Variants in ABCC5 observed in about 807,000 individuals in gnomAD.
ABCC5 encodes ATP binding cassette subfamily C member 5.
Under a neutral mutation model 160.9 loss-of-function variants are expected in ABCC5, and 61 were observed. The ratio of observed to expected loss-of-function variants is 0.38; its 90% CI spans 0.31 to 0.47. The LOEUF (loss-of-function observed/expected upper bound fraction) is 0.47. Ranked by LOEUF, ABCC5 falls within the 20% of genes least tolerant of loss-of-function variation. The pLI is 0.99. For synonymous variants in ABCC5, 666 were observed against 700.6 expected (o/e 0.95, Z 0.78); for missense variants, 1,308 against 1,813.3 (o/e 0.72, Z 5.06).
At position 183,987,956 on chromosome 3, in the gene ABCC5, G is replaced by A. The variant is rs1276840088; in HGVS notation, c.444-39C>T. On this transcript the variant is annotated intron_variant, in intron 4 of 29. Transcript: ENST00000334444. The surrounding 1 kb of genome is among the most constrained non-coding windows in gnomAD (Gnocchi z 4.2). The stretch of plus-strand genomic sequence containing the variant: ...CACGTCCTCGTTACACATCTCCTCG[G>A]GGGAAAGGCACACCTAGCTCCCCGC... 8 of 1,603,544 alleles carry A rather than the reference G, an allele frequency of 5.0e-6. No homozygotes were observed. The highest frequency in any genetic ancestry group is 1.9e-4 in the Middle Eastern group (1 of 5,284).
chr3:183,978,479 C>G (rs1718415608), intron 9 of ABCC5, 24 bp downstream of exon 9: 1 of 1,598,238 alleles, frequency 6.3e-7, no homozygotes, highest in African/African-American at 1.3e-5. Flanking sequence ...CTAAAATGTT[C>G]CCCATCCCTG....
intron 17 of ABCC5, among the ~76,000 whole-genome samples, chr3:183,957,183 T>C (rs369328131): frequency 9.8e-6 from 1 of 102,464 alleles, no homozygotes; most frequent in East Asian, 4.0e-4. Flanking sequence ...TCCGTGTGTA[T>C]ATCACATCGG....
At chr3:183,980,109 A>G (rs1718579717) in intron 8 of ABCC5, among the ~76,000 whole-genome samples, 1 of 152,190 alleles carries the variant, frequency 6.6e-6, no homozygotes, top group Non-Finnish European at 1.5e-5. Context: ...TCCTGACCTT[A>G]GGTGATCTAC....
rs774414669 is a variant in ABCC5 at position 183,989,233 on chromosome 3, T to C, written c.280A>G (p.Thr94Ala). Residue 94 changes from threonine to alanine, a missense_variant, in exon 3 of 30, where the codon ACT becomes GCT. By Grantham distance (58) the Thr-to-Ala change is moderately conservative (BLOSUM62 0). This residue lies in a region of ABCC5 where 1,142 missense variants were observed against 1,527.1 expected (regional missense o/e 0.75). Transcript: ENST00000334444. ...GLSALKPIRT[T>A]SKHQHPVDNA... ...CTCAGCACGGCATCTTACTTGGAAG[T>C]AGTCCGGATGGGCTTCAGAGCACTC... 2 of 1,608,632 alleles carry C rather than the reference T, an allele frequency of 1.2e-6. No individual in the cohort carries two copies. The highest frequency in any genetic ancestry group is 1.7e-5 in the Admixed American group (1 of 59,556).
chr3:183,965,786 A>C (rs1038206566), intron 12 of ABCC5, among the ~76,000 whole-genome samples: 63 of 152,222 alleles, frequency 4.1e-4, no homozygotes, highest in African/African-American at 1.4e-3. Flanking sequence ...AATTAGGAGA[A>C]GCACAAGCAA....
intron 11 of ABCC5, among the ~76,000 whole-genome samples, chr3:183,969,613 AC>A (rs1189250421): frequency 8.7e-5 from 13 of 149,772 alleles, no homozygotes; most frequent in African/African-American, 3.0e-4. Context: ...AATCACTTGA[AC>A]CCGGGAGGCA....
At chr3:183,993,995 GCT>G (rs1720014468) in intron 2 of ABCC5, among the ~76,000 whole-genome samples, 1 of 130,994 alleles carries the variant, frequency 7.6e-6, no homozygotes, top group African/African-American at 2.9e-5. Flanking sequence ...ACAGCATCTC[GCT>G]CTGTCACCCA....
intron 29 of ABCC5, among the ~76,000 whole-genome samples, chr3:183,924,402 G>A (rs1393029396): frequency 2.6e-5 from 4 of 152,142 alleles, no homozygotes; most frequent in Admixed American, 6.5e-5. Flanking sequence ...TCTCTAGGTT[G>A]TTGTGATGAC....
At chr3:184,006,515 A>T (rs935717665) in intron 2 of ABCC5, 4 of 152,224 alleles carry the variant, frequency 2.6e-5, no homozygotes, top group Non-Finnish European at 5.9e-5. Context: ...ACACGTCCTT[A>T]GTCTGTAAAG....
At chr3:183,942,465 A>G in intron 25 of ABCC5, 1 of 629,114 alleles carries the variant, frequency 1.6e-6, no homozygotes, top group Non-Finnish European at 2.9e-6. Flanking sequence ...TCTGGGTAGC[A>G]GAGTTGTGGG....
intron 20 of ABCC5, 30 bp from the exon 21 acceptor site, chr3:183,950,155 A>C: frequency 1.3e-6 from 2 of 1,581,600 alleles, no homozygotes; most frequent in South Asian, 2.3e-5. Flanking sequence ...AGCAAGTGTC[A>C]GATGGTTTGG....
At position 183,978,671 on chromosome 3, in the gene ABCC5, C is replaced by G; in HGVS notation, c.1148-20G>C. 6.2e-7 allele frequency: 1 copy of G among 1,610,184 alleles called. No individual in the cohort carries two copies. Among genetic ancestry groups the G allele is most frequent in the Non-Finnish European group, 8.5e-7 (1 of 1,178,088 alleles). On this transcript the variant is annotated intron_variant, in intron 8 of 29. Transcript: ENST00000334444. ...GGATTTCTATGAATAAAAAGCAAGC[C>G]AATTTCAAAGCAAGTTAAAAGAAGC...
chr3:183,985,538 G>A, intron 5 of ABCC5: 1 of 753,054 alleles, frequency 1.3e-6, no homozygotes, highest in East Asian at 2.5e-5. Flanking sequence ...AGGCCCTCGA[G>A]CAGAGTTAGC....
chr3:183,938,364 T>C (rs998419959), intron 25 of ABCC5, among the ~76,000 whole-genome samples: 33 of 151,968 alleles, frequency 2.2e-4, no homozygotes, highest in Admixed American at 5.9e-4. Context: ...GGTGGTGCGA[T>C]CTCGGCTCAC....
chr3:183,951,929 A>T lies in ABCC5; in HGVS notation c.2742T>A (p.Tyr914Ter). ...SMKDNPHMQYYASIYALSMAV... is the reference protein window; with the variant it reads ...SMKDNPHMQY ...CCATGGAGAGGGCGTAGATGCTGGC[A>T]TAGTACTGCATATGAGGATTGTCCT... Residue 914 changes from tyrosine (Y) to a stop codon, truncating the protein, a stop_gained, in exon 19 of 30, where the codon TAT becomes TAA. Coordinates refer to ENST00000334444, the MANE Select transcript of ABCC5 (RefSeq NM_005688.4). LOFTEE classifies it high-confidence loss of function. The surrounding 1 kb of genome is among the most constrained non-coding windows in gnomAD (Gnocchi z 4.7). The T allele has an allele frequency of 6.2e-7, 1 of 1,614,078 alleles. No individual in the cohort carries two copies. Among genetic ancestry groups the T allele is most frequent in the Non-Finnish European group, 8.5e-7 (1 of 1,179,914 alleles).
intron 25 of ABCC5, 119 bp downstream of exon 25, chr3:183,942,607 AG>A: frequency 2.3e-6 from 3 of 1,303,022 alleles, no homozygotes; most frequent in Non-Finnish European, 2.2e-6. Flanking sequence ...TGGTTTCAGT[AG>A]GGGGCTGAGA....
rs1258281984 is a variant in ABCC5, at chr3:183,971,653, G to A, written c.1671C>T (p.Pro557=). 6.2e-7 allele frequency: 1 copy of A among 1,614,036 alleles called. No homozygotes were observed. Among genetic ancestry groups the A allele is most frequent in the Non-Finnish European group, 8.5e-7 (1 of 1,180,030 alleles). ...GHLLLDSDER[P]SPEEEEGKHI... is the part of the protein sequence containing the mutation. ...GCTTGCCTTCTTCCTCTTCGGGACT[G>A]GGCCGCTCGTCACTGTCCAGGAGGA... The change falls in exon 11 of 30, where the codon CCC becomes CCT. Residue 557 remains proline, a synonymous_variant. Transcript: ENST00000334444.
chr3:183,986,046 A>C (rs1223871550), intron 5 of ABCC5: 1 of 152,952 alleles, frequency 6.5e-6, no homozygotes, highest in Non-Finnish European at 1.5e-5. Flanking sequence ...AAGTCGTGCC[A>C]GATTAGAAAA....
At position 183,947,515 on chromosome 3, in the gene ABCC5, G is replaced by A; in HGVS notation, c.3228-5C>T. On this transcript the variant is annotated splice_polypyrimidine_tract_variant and splice_region_variant and intron_variant, in intron 22 of 29. Coordinates refer to ENST00000334444, the MANE Select transcript of ABCC5 (RefSeq NM_005688.4). ...TCATCCAGCAGCTCCTGGTATCTGT[G>A]AGAAAGACAACACTTAATGGGCAAA... 1 of 1,583,618 alleles carries A rather than the reference G, an allele frequency of 6.3e-7. No individual in the cohort carries two copies.
Sources: allele counts gnomAD v4.1 joint callset (sites outside exome capture counted in the v4.1 genomes callset), GRCh38; gene constraint gnomAD v4.1.1; regional missense constraint gnomAD v4.1.1; non-coding constraint Gnocchi (gnomAD v3.1); transcripts MANE v1.5; gene names NCBI Gene and HGNC (gene_info 2026-07-23, HGNC 2026-07-21).